CHST11: variants seen among roughly 807,000 people sequenced by gnomAD.
CHST11 encodes carbohydrate sulfotransferase 11.
A neutral mutation model predicts 30.4 loss-of-function variants in CHST11; 9 were observed. The ratio of observed to expected loss-of-function variants is 0.30; its 90% CI spans 0.18 to 0.52. The LOEUF (loss-of-function observed/expected upper bound fraction) is 0.52. Ranked by LOEUF, CHST11 falls within the 20% of genes least tolerant of loss-of-function variation. The pLI is 0.97. For missense variants in CHST11, 348 were observed against 460.6 expected, an observed-to-expected ratio of 0.76 and a Z score of 2.24; for synonymous variants, 152 against 187.8, an observed-to-expected ratio of 0.81 and a Z score of 1.56.
intron 1 of CHST11, among the ~76,000 whole-genome samples, chr12:104,501,409 T>C (rs1013597025): frequency 6.6e-6 from 1 of 152,178 alleles, no homozygotes; most frequent in Non-Finnish European, 1.5e-5. Context: ...CTAGGTAATT[T>C]TGGGGAGGCA....
At chr12:104,646,747 G>A (rs1028883522) in intron 2 of CHST11, among the ~76,000 whole-genome samples, 3 of 152,182 alleles carry the variant, frequency 2.0e-5, no homozygotes, top group African/African-American at 7.2e-5. Flanking sequence ...TCCCGTCCCA[G>A]ACTCTAAGCT....
chr12:104,655,744 G>A (rs1765473062), intron 2 of CHST11, among the ~76,000 whole-genome samples: 1 of 152,216 alleles, frequency 6.6e-6, no homozygotes, highest in African/African-American at 2.4e-5. Context: ...AAAAGTCCCT[G>A]AGTACAAAAG....
chr12:104,630,699 C>G (rs926901733), intron 2 of CHST11, among the ~76,000 whole-genome samples: 1 of 152,206 alleles, frequency 6.6e-6, no homozygotes, highest in African/African-American at 2.4e-5. Context: ...GGTGCACGTG[C>G]CCCTATTTTA....
chr12:104,496,509 A>G (rs1277014853), intron 1 of CHST11, among the ~76,000 whole-genome samples: 1 of 152,250 alleles, frequency 6.6e-6, no homozygotes, highest in African/African-American at 2.4e-5. Context: ...AAATTACATT[A>G]GAAAAAAATC....
chr12:104,571,184 A>G (rs1239308414), intron 1 of CHST11, among the ~76,000 whole-genome samples: 7 of 131,926 alleles, frequency 5.3e-5, no homozygotes, highest in Admixed American at 3.9e-4. Flanking sequence ...TTTTTTTGAG[A>G]TGGAGTTTTG....
chr12:104,678,912 C>T (rs1163079053), intron 2 of CHST11, among the ~76,000 whole-genome samples: 3 of 152,150 alleles, frequency 2.0e-5, no homozygotes, highest in Non-Finnish European at 2.9e-5. Flanking sequence ...GGTAAAGTCA[C>T]GTACTCTAGC....
chr12:104,564,520 G>C (rs1318020596), intron 1 of CHST11, among the ~76,000 whole-genome samples: 1 of 152,150 alleles, frequency 6.6e-6, no homozygotes, highest in Admixed American at 6.5e-5. Context: ...CAGTGCTCAG[G>C]GTTTAGCGGG....
intron 1 of CHST11, among the ~76,000 whole-genome samples, chr12:104,462,755 A>G (rs1192321541): frequency 6.6e-6 from 1 of 152,196 alleles, no homozygotes; most frequent in East Asian, 1.9e-4. Context: ...AATATATACA[A>G]CTACTATGTA....
intron 1 of CHST11, among the ~76,000 whole-genome samples, chr12:104,473,413 A>G (rs1172412242): frequency 6.6e-6 from 1 of 152,114 alleles, no homozygotes; most frequent in Non-Finnish European, 1.5e-5. Flanking sequence ...GGAGAAAGGG[A>G]AAGTGTGTAA....
At position 104,488,693 on chromosome 12, in the gene CHST11, A is replaced by ATG. The variant is rs1229247614; in HGVS notation, c.118+31172_118+31173dup. On this transcript the variant is annotated intron_variant, in intron 1 of 2. Coordinates refer to ENST00000303694, the MANE Select transcript of CHST11 (RefSeq NM_018413.6). ...TATGTGTATGCGTCTGTGTATGCGT[A>ATG]TGTGTGTGTATGTGTGTATGTGTGC... 3.1e-5 allele frequency among the ~76,000 whole-genome samples: 4 copies of ATG among 128,372 alleles called. No homozygotes were observed. The South Asian group carries it at 1.0e-3, about 32-fold the overall frequency. The allele number at this position is 128,372 out of a possible 152,430, so 84.2% of individuals were successfully genotyped here. A position where few individuals can be genotyped will look rare whatever the true frequency, so the allele number is the denominator to read the frequency against.
At chr12:104,486,258 G>A (rs2037677639) in intron 1 of CHST11, among the ~76,000 whole-genome samples, 2 of 150,832 alleles carry the variant, frequency 1.3e-5, no homozygotes, top group African/African-American at 4.9e-5. Flanking sequence ...CAGTCTTCCT[G>A]CTTCACTTCA....
intron 1 of CHST11, among the ~76,000 whole-genome samples, chr12:104,587,062 C>T (rs1297590760): frequency 2.0e-5 from 3 of 152,294 alleles, no homozygotes; most frequent in Non-Finnish European, 4.4e-5. Flanking sequence ...TCACACCCTC[C>T]GCCCCTTAGG....
At chr12:104,596,584 C>CTTGCTG (rs113173312) in intron 1 of CHST11, among the ~76,000 whole-genome samples, 1 of 151,380 alleles carries the variant, frequency 6.6e-6, no homozygotes, top group African/African-American at 2.4e-5. Context: ...TGCTACTTGC[C>CTTGCTG]CTTGCTGACT....
intron 2 of CHST11, among the ~76,000 whole-genome samples, chr12:104,705,647 G>A (rs902167585): frequency 2.0e-5 from 3 of 152,340 alleles, no homozygotes; most frequent in Non-Finnish European, 2.9e-5. Context: ...AGGGCCAGGC[G>A]CGGTGGCTCA....
At chr12:104,623,773 C>G (rs944743728) in intron 2 of CHST11, among the ~76,000 whole-genome samples, 1 of 151,976 alleles carries the variant, frequency 6.6e-6, no homozygotes. Flanking sequence ...TCTATCTCAC[C>G]GTCTCTGCTG....
intron 2 of CHST11, among the ~76,000 whole-genome samples, chr12:104,693,516 C>G (rs1294323338): frequency 6.6e-6 from 1 of 152,242 alleles, no homozygotes; most frequent in Non-Finnish European, 1.5e-5. Context: ...ACTTAAATTA[C>G]ACAACTTCTT....
At chr12:104,675,179 A>C (rs2039729940) in intron 2 of CHST11, among the ~76,000 whole-genome samples, 1 of 152,200 alleles carries the variant, frequency 6.6e-6, no homozygotes, top group Admixed American at 6.5e-5. Flanking sequence ...TTTATAAAGA[A>C]ATGCTTTTAA....
intron 2 of CHST11, among the ~76,000 whole-genome samples, chr12:104,659,555 A>G (rs1336223978): frequency 6.6e-6 from 1 of 152,204 alleles, no homozygotes; most frequent in Non-Finnish European, 1.5e-5. Flanking sequence ...AATACATACC[A>G]TATTTTGAAG....
chr12:104,613,408 T>G (rs1439852364), intron 2 of CHST11, among the ~76,000 whole-genome samples: 2 of 152,044 alleles, frequency 1.3e-5, no homozygotes, highest in African/African-American at 2.4e-5. Context: ...TTTGGATTTG[T>G]GTCACCCCCG....
Sources: gnomAD v4.1 joint callset for allele counts (sites outside exome capture counted in the v4.1 genomes callset) on GRCh38, gnomAD v4.1.1 for gene constraint, MANE v1.5 for transcripts, NCBI Gene and HGNC (gene_info 2026-07-23, HGNC 2026-07-21) for gene names.